The following CDH4 variants were observed in gnomAD, a reference collection of about 807,000 sequenced individuals.
CDH4 encodes cadherin-4.
In CDH4, 33 loss-of-function variants were observed where a neutral mutation model predicts 86.0. The observed-to-expected ratio is 0.38, with a 90% CI of 0.29 to 0.51. The LOEUF (loss-of-function observed/expected upper bound fraction) is 0.51. Among genes scored for constraint, CDH4 ranks in the 20% least tolerant of loss-of-function variants. The pLI is 0.86. For missense variants in CDH4, 1,114 were observed against 1,307.4 expected (o/e 0.85, Z 2.28); for synonymous variants, 555 against 549.4 (o/e 1.01, Z -0.14).
chr20:61,298,021 A>G (rs1199755756), intron 2 of CDH4, among the ~76,000 whole-genome samples: 1 of 152,210 alleles, frequency 6.6e-6, no homozygotes, highest in African/African-American at 2.4e-5. Flanking sequence ...AAGGAGGCCC[A>G]CGCAGGCACC....
At chr20:61,815,332 C>T (rs1402789827) in intron 4 of CDH4, among the ~76,000 whole-genome samples, 2 of 152,202 alleles carry the variant, frequency 1.3e-5, no homozygotes, top group South Asian at 2.1e-4. Context: ...GTCTCGTGTA[C>T]GATGCTTTGT....
In CDH4 at chr20:61,687,004, C is replaced by T. The variant is rs114814814; in HGVS notation, c.170-56559C>T. 8.8e-3 allele frequency among the ~76,000 whole-genome samples: 1,328 copies of T among 151,750 alleles called. 21 individuals carry two copies. Among genetic ancestry groups the T allele is most frequent in the African/African-American group, 0.027 (1,095 of 41,282 alleles). Reference sequence around the variant, plus strand: ...GGTGTTTTTTCATCGTGATCATCACCCCTGTGTTCAGCTTGGGCGGTGCCC... The same window carrying T: ...GGTGTTTTTTCATCGTGATCATCACTCCTGTGTTCAGCTTGGGCGGTGCCC... On this transcript the variant is annotated intron_variant, in intron 2 of 15. Transcript: ENST00000614565.
intron 2 of CDH4, among the ~76,000 whole-genome samples, chr20:61,291,659 G>A (rs950355949): frequency 3.4e-5 from 5 of 146,890 alleles, no homozygotes; most frequent in Admixed American, 2.1e-4. Context: ...GGGCACCCGC[G>A]CCAGGCCACC....
At chr20:61,535,749 G>A (rs562128242) in intron 2 of CDH4, among the ~76,000 whole-genome samples, 9 of 152,280 alleles carry the variant, frequency 5.9e-5, no homozygotes, top group East Asian at 1.9e-4. Context: ...CTTCAGTGCC[G>A]GTCCTTTGGG....
chr20:61,650,237 C>T (rs575183293), intron 2 of CDH4, among the ~76,000 whole-genome samples: 2 of 152,220 alleles, frequency 1.3e-5, no homozygotes, highest in Admixed American at 6.5e-5. Context: ...ATCTCTTCCA[C>T]AGGGGCCCTC....
At position 61,362,336 on chromosome 20, in the gene CDH4, G is replaced by A. The variant is rs114108147; in HGVS notation, c.169+107399G>A. ...GAGCGGAGACGTGGCCTAGGACAGC[G>A]TAGTGGAGAGCGGAGACGTGGCCTA... is the stretch of plus-strand genomic sequence containing the variant. On this transcript the variant is annotated intron_variant, in intron 2 of 15. Transcript: ENST00000614565. 3.6e-3 allele frequency among the ~76,000 whole-genome samples: 547 copies of A among 152,114 alleles called. 2 individuals are homozygous for A. The highest frequency in any genetic ancestry group is 4.1e-3 in the African/African-American group (171 of 41,496).
Position 61,815,726 on chromosome 20 carries a change from A to T in CDH4, c.577-28942A>T, listed in dbSNP as rs941579900. 9.8e-5 allele frequency among the ~76,000 whole-genome samples: 15 copies of T among 152,336 alleles called. No homozygotes were observed. The East Asian group carries it at 2.1e-3, about 22-fold the overall frequency. Reference sequence around the variant, plus strand: ...CCCGGCTGAGGGAGGTCCAGGCCAGAATTAAAATAAACCAAAGGAACACCG... The same window carrying T: ...CCCGGCTGAGGGAGGTCCAGGCCAGTATTAAAATAAACCAAAGGAACACCG... On this transcript the variant is annotated intron_variant, in intron 4 of 15. Transcript: ENST00000614565.
At chr20:61,534,032 A>G (rs1276676395) in intron 2 of CDH4, among the ~76,000 whole-genome samples, 2 of 152,244 alleles carry the variant, frequency 1.3e-5, no homozygotes, top group Non-Finnish European at 2.9e-5. Context: ...GATTTGTTCC[A>G]TTAACATATT....
intron 11 of CDH4, among the ~76,000 whole-genome samples, chr20:61,926,687 A>G (rs1187352508): frequency 6.6e-6 from 1 of 152,208 alleles, no homozygotes; most frequent in Non-Finnish European, 1.5e-5. Flanking sequence ...CCTGGCCAAC[A>G]TGGTGAAACC....
In CDH4 at chr20:61,743,717, G is replaced by A. The variant is rs1234780855; in HGVS notation, c.324G>A (p.Gln108=). The change falls in exon 3 of 16, where the codon CAG becomes CAA. Residue 108 remains glutamine, a synonymous_variant. Coordinates refer to ENST00000614565, the MANE Select transcript of CDH4 (RefSeq NM_001794.5). ...VAFTVTAWDS[Q]TAEKWDAVVR... ...TCACGGTGACTGCATGGGACAGCCAGACAGCAGAGAAATGGGACGCCGTGG... is the reference window on the plus strand; with the variant it reads ...TCACGGTGACTGCATGGGACAGCCAAACAGCAGAGAAATGGGACGCCGTGG... The A allele has an allele frequency of 2.5e-5, 40 of 1,611,304 alleles. No homozygotes were observed. Among genetic ancestry groups the A allele is most frequent in the Non-Finnish European group, 3.2e-5 (38 of 1,179,116 alleles).
intron 2 of CDH4, among the ~76,000 whole-genome samples, chr20:61,643,022 T>C (rs1208868958): frequency 6.6e-6 from 1 of 152,236 alleles, no homozygotes; most frequent in Non-Finnish European, 1.5e-5. Flanking sequence ...CTAGTTGCTA[T>C]GTGTCTTAGT....
At chr20:61,573,622 G>A (rs1410034698) in intron 2 of CDH4, among the ~76,000 whole-genome samples, 2 of 152,106 alleles carry the variant, frequency 1.3e-5, no homozygotes, top group Non-Finnish European at 2.9e-5. Flanking sequence ...GGGGCCTCCT[G>A]GCTTGCAGCA....
intron 2 of CDH4, among the ~76,000 whole-genome samples, chr20:61,271,672 G>A (rs958476794): frequency 6.6e-6 from 1 of 152,312 alleles, no homozygotes; most frequent in Admixed American, 6.5e-5. Context: ...CACGTGAACT[G>A]AACATCAGAA....
chr20:61,725,723 C>G (rs1486745107), intron 2 of CDH4, among the ~76,000 whole-genome samples: 1 of 151,452 alleles, frequency 6.6e-6, no homozygotes, highest in Admixed American at 6.6e-5. Flanking sequence ...TTCCCATCTG[C>G]AGAGAGACAC....
chr20:61,890,859 A>G (rs1407173926), intron 7 of CDH4, among the ~76,000 whole-genome samples: 2 of 152,180 alleles, frequency 1.3e-5, no homozygotes, highest in Admixed American at 6.5e-5. Flanking sequence ...CCAGGTCTGT[A>G]TCTGGCACTT....
chr20:61,444,080 GTATC>G (rs1315762886), intron 2 of CDH4, among the ~76,000 whole-genome samples: 2 of 150,002 alleles, frequency 1.3e-5, no homozygotes, highest in Admixed American at 1.3e-4. Context: ...GTCTGTGTGT[GTATC>G]TGTCTGTGTG....
In CDH4 at chr20:61,324,817, A is replaced by G. The variant is rs192773143; in HGVS notation, c.169+69880A>G. Among the ~76,000 whole-genome samples the G allele has an allele frequency of 6.7e-3, 1,018 of 152,310 alleles. 7 individuals carry two copies. Among genetic ancestry groups the G allele is most frequent in the African/African-American group, 0.015 (636 of 41,568 alleles). ...TTCAAGGCACTTCGGCTGTGTGTCC[A>G]TCTGCACACCTCCCCATTTATAGAG... is the stretch of plus-strand genomic sequence containing the variant. On this transcript the variant is annotated intron_variant, in intron 2 of 15. Coordinates refer to ENST00000614565, the MANE Select transcript of CDH4 (RefSeq NM_001794.5).
chr20:61,668,668 T>A (rs1280450213), intron 2 of CDH4, among the ~76,000 whole-genome samples: 1 of 152,166 alleles, frequency 6.6e-6, no homozygotes, highest in Non-Finnish European at 1.5e-5. Context: ...ACACCCAAGG[T>A]TAAGCAGCCT....
intron 8 of CDH4, among the ~76,000 whole-genome samples, chr20:61,895,358 G>T (rs1985056476): frequency 6.6e-6 from 1 of 152,248 alleles, no homozygotes; most frequent in Non-Finnish European, 1.5e-5. Context: ...TGCCACTTTG[G>T]AAGGCCTGCG....
Sources: allele counts gnomAD v4.1 joint callset (sites outside exome capture counted in the v4.1 genomes callset), GRCh38; gene constraint gnomAD v4.1.1; transcripts MANE v1.5; gene names NCBI Gene and HGNC (gene_info 2026-07-23, HGNC 2026-07-21).